DNAJC3: variants seen among roughly 807,000 people sequenced by gnomAD.
DNAJC3 encodes the protein dnaJ homolog subfamily C member 3.
A neutral mutation model predicts 68.6 loss-of-function variants in DNAJC3; 38 were observed. The observed-to-expected ratio is 0.55, with a 90% CI of 0.43 to 0.73. The LOEUF (loss-of-function observed/expected upper bound fraction) is 0.73, where lower values mean the gene tolerates loss of function less well. Among genes scored for constraint, DNAJC3 ranks in the 30% least tolerant of loss-of-function variants. The pLI is 0.00. For missense variants in DNAJC3, 526 were observed against 591.9 expected, an observed-to-expected ratio of 0.89 and a Z score of 1.16; for synonymous variants, 203 against 204.0, an observed-to-expected ratio of 1.00 and a Z score of 0.04.
Position 95,764,210 on chromosome 13 carries a change from A to G in DNAJC3, c.1075+257A>G, listed in dbSNP as rs1286592404. Among the ~76,000 whole-genome samples the G allele has an allele frequency of 2.0e-5, 3 of 152,036 alleles. No homozygotes were observed. In the East Asian group the frequency reaches 5.8e-4, roughly 29 times the overall value. The stretch of plus-strand genomic sequence containing the variant: ...TATTTTAGCTTTTTTTGTAGAAAGG[A>G]AAAAAAATAACAAAATAGAAAATTT... On this transcript the variant is annotated intron_variant, in intron 9 of 11. Coordinates refer to ENST00000602402, the MANE Select transcript of DNAJC3 (RefSeq NM_006260.5).
chr13:95,716,462 C>A lies in DNAJC3; in HGVS notation c.194-6780C>A, dbSNP rs997718748. Among the ~76,000 whole-genome samples, 3 of 152,196 alleles carry A rather than the reference C, an allele frequency of 2.0e-5. No homozygotes were observed. In the South Asian group the frequency reaches 6.2e-4, roughly 31 times the overall value. ...GGCTTGTGTTAGTCAGCTCAGTAGA[C>A]CCTCTCCCTTATTGCAAGGACGGGG... On this transcript the variant is annotated intron_variant, in intron 2 of 11. Coordinates refer to ENST00000602402, the MANE Select transcript of DNAJC3 (RefSeq NM_006260.5).
rs1476725212 is a variant in DNAJC3, at chr13:95,793,111, T to C, written c.*2081T>C. 6.6e-6 allele frequency: 1 copy of C among 152,204 alleles called. No homozygotes were observed. The highest frequency in any genetic ancestry group is 2.4e-5 in the African/African-American group (1 of 41,462). The allele number at this position is 152,204 out of a possible 1,614,324, so 9.4% of individuals were successfully genotyped here. On this transcript the variant is annotated 3_prime_UTR_variant, in exon 12 of 12. Transcript: ENST00000602402. ...CATAGTTTCAGCTCCTAAATTCTTA[T>C]CATGGATTTACTTAGTCATCTTAAC...
At chr13:95,699,545 C>G (rs1320770760) in intron 1 of DNAJC3, among the ~76,000 whole-genome samples, 1 of 152,146 alleles carries the variant, frequency 6.6e-6, no homozygotes, top group Non-Finnish European at 1.5e-5. Context: ...AGCCTAATAA[C>G]TGTGGAAAGC....
At chr13:95,716,033 C>T (rs941045349) in intron 2 of DNAJC3, among the ~76,000 whole-genome samples, 8 of 151,974 alleles carry the variant, frequency 5.3e-5, no homozygotes, top group African/African-American at 1.7e-4. Context: ...TGGCAGGTGC[C>T]TGTAATCCCA....
chr13:95,721,697 G>A (rs1005193898), intron 2 of DNAJC3, among the ~76,000 whole-genome samples: 38 of 148,548 alleles, frequency 2.6e-4, no homozygotes. Context: ...GTTCCCCCAT[G>A]CAGATCAATG....
At chr13:95,702,616 A>G (rs1030363638) in intron 1 of DNAJC3, among the ~76,000 whole-genome samples, 1 of 152,190 alleles carries the variant, frequency 6.6e-6, no homozygotes, top group African/African-American at 2.4e-5. Flanking sequence ...TTCACCACAT[A>G]GGGACTCAAC....
chr13:95,762,964 G>A (rs553638372), intron 7 of DNAJC3, among the ~76,000 whole-genome samples: 1 of 152,296 alleles, frequency 6.6e-6, no homozygotes, highest in African/African-American at 2.4e-5. Context: ...TAATACATTG[G>A]CATATTTACA....
At chr13:95,752,804 T>A (rs1229716893) in intron 4 of DNAJC3, among the ~76,000 whole-genome samples, 1 of 152,210 alleles carries the variant, frequency 6.6e-6, no homozygotes, top group African/African-American at 2.4e-5. Context: ...GAATCACTGC[T>A]ACAGTGTTAT....
rs777968421 is a variant in DNAJC3 at position 95,731,901 on chromosome 13, ATTTTTTTTTTTT to A, written c.393+6660_393+6671del. ...AGGTGTGCATCACCACGCCTGGCTA[ATTTTTTTTTTTT>A]TTTTTTTTTTGAGACTGGGTCGCAC... On this transcript the variant is annotated intron_variant, in intron 4 of 11. Transcript: ENST00000602402. Among the ~76,000 whole-genome samples the A allele has an allele frequency of 4.8e-5, 6 of 123,942 alleles. 1 individual carries two copies. Among genetic ancestry groups the A allele is most frequent in the East Asian group, 2.3e-4 (1 of 4,434 alleles). The allele number at this position is 123,942 out of a possible 152,430, so 81.3% of individuals were successfully genotyped here. A position where few individuals can be genotyped will look rare whatever the true frequency, so the allele number is the denominator to read the frequency against.
In DNAJC3 at chr13:95,723,413, G is replaced by A. The variant is rs779797672; in HGVS notation, c.318+47G>A. The A allele has an allele frequency of 1.5e-5, 23 of 1,580,348 alleles. No homozygotes were observed. In the East Asian group the frequency reaches 3.8e-4, roughly 26 times the overall value. On this transcript the variant is annotated intron_variant, in intron 3 of 11. Transcript: ENST00000602402. Reference sequence around the variant, plus strand: ...TTAAAGGGGAACTTAACAGAACTTGGGGAGAGATAATTTGTTTCATAAGGT... The same window carrying A: ...TTAAAGGGGAACTTAACAGAACTTGAGGAGAGATAATTTGTTTCATAAGGT...
chr13:95,686,731 A>G (rs1880082636), intron 1 of DNAJC3, among the ~76,000 whole-genome samples: 2 of 152,164 alleles, frequency 1.3e-5, no homozygotes, highest in Admixed American at 6.5e-5. Context: ...TAGTCCATTG[A>G]TCTGTGTGCG....
chr13:95,757,360 C>G (rs750636680), intron 4 of DNAJC3, among the ~76,000 whole-genome samples: 1 of 152,184 alleles, frequency 6.6e-6, no homozygotes, highest in Non-Finnish European at 1.5e-5. Context: ...TTCCTCCGTT[C>G]TTCTCTGTCC....
At chr13:95,760,630 A>G (rs748775226) in intron 6 of DNAJC3, 49 bp from the exon 7 acceptor site, 2 of 1,560,004 alleles carry the variant, frequency 1.3e-6, no homozygotes, top group Non-Finnish European at 1.7e-6. Context: ...AAAACTACTC[A>G]TTGATTGTTT....
At position 95,709,275 on chromosome 13, in the gene DNAJC3, G is replaced by A; in HGVS notation, c.131G>A (p.Gly44Asp). The A allele has an allele frequency of 6.3e-7, 1 of 1,587,994 alleles. No individual in the cohort carries two copies. The highest frequency in any genetic ancestry group is 8.6e-7 in the Non-Finnish European group (1 of 1,168,024). ...NADVEKHLEL[G>D]KKLLAAGQLA... ...GATGTTGAGAAACATCTTGAATTGG[G>A]CAAGAAATTACTTGCAGCTGGACAG... Residue 44 changes from glycine (G) to aspartate (D), a missense_variant, in exon 2 of 12, where the codon GGC (glycine) becomes GAC (aspartate). Physicochemically the swap from Gly to Asp is moderately conservative, Grantham distance 94. Coordinates refer to ENST00000602402, the MANE Select transcript of DNAJC3 (RefSeq NM_006260.5).
chr13:95,728,616 C>G (rs1267402571), intron 4 of DNAJC3, among the ~76,000 whole-genome samples: 6 of 152,128 alleles, frequency 3.9e-5, no homozygotes, highest in African/African-American at 1.2e-4. Flanking sequence ...CAGTCTGTAG[C>G]TTTTCCTTTG....
At chr13:95,742,908 T>C in intron 4 of DNAJC3, 1 of 477,008 alleles carries the variant, frequency 2.1e-6, no homozygotes, top group Non-Finnish European at 4.2e-6. Flanking sequence ...TTTATGGTTT[T>C]GTGTTTTATT....
At position 95,791,052 on chromosome 13, in the gene DNAJC3, C is replaced by CTTAAT. The variant is rs1883756222; in HGVS notation, c.*25_*29dup. ...TTAAACCAACTGTTTTTCTGCTCTTCTTAATTTTTTTAAAGATTAAAAACA... is the reference window on the plus strand; with the variant it reads ...TTAAACCAACTGTTTTTCTGCTCTTCTTAATTTAATTTTTTTAAAGATTAAAAACA... On this transcript the variant is annotated 3_prime_UTR_variant, in exon 12 of 12. Transcript: ENST00000602402. 1 of 1,605,806 alleles carries CTTAAT rather than the reference C, an allele frequency of 6.2e-7. No homozygotes were observed. The highest frequency in any genetic ancestry group is 8.5e-7 in the Non-Finnish European group (1 of 1,177,866).
chr13:95,705,731 G>A (rs927150074), intron 1 of DNAJC3, among the ~76,000 whole-genome samples: 1 of 151,960 alleles, frequency 6.6e-6, no homozygotes, highest in Admixed American at 6.6e-5. Context: ...TAGAGATGAG[G>A]TCTCATTATG....
At chr13:95,726,874 A>G (rs1296435808) in intron 4 of DNAJC3, among the ~76,000 whole-genome samples, 1 of 152,242 alleles carries the variant, frequency 6.6e-6, no homozygotes, top group East Asian at 1.9e-4. Flanking sequence ...CATTATCATA[A>G]CACTTGTCAC....
Sources: allele counts gnomAD v4.1 joint callset (sites outside exome capture counted in the v4.1 genomes callset), GRCh38; gene constraint gnomAD v4.1.1; transcripts MANE v1.5; gene names NCBI Gene and HGNC (gene_info 2026-07-23, HGNC 2026-07-21).